RAD23B: variants seen among roughly 807,000 people sequenced by gnomAD.
RAD23B encodes the protein RAD23 nucleotide excision repair protein B.
In RAD23B, 5 loss-of-function variants were observed where a neutral mutation model predicts 49.1. The observed-to-expected ratio is 0.10, with a 90% CI of 0.05 to 0.21. The LOEUF is 0.21. RAD23B is among the 10% of genes least tolerant of loss of function. The pLI, the probability that RAD23B is intolerant of heterozygous loss-of-function variation, is 1.00. For synonymous variants in RAD23B, 184 were observed against 165.4 expected (o/e 1.11, Z -0.86); for missense variants, 356 against 486.7 (o/e 0.73, Z 2.53).
At chr9:107,287,479 A>G (rs1833295477) in intron 1 of RAD23B, among the ~76,000 whole-genome samples, 1 of 152,260 alleles carries the variant, frequency 6.6e-6, no homozygotes, top group South Asian at 2.1e-4. Flanking sequence ...AATTGCAAAG[A>G]CATCAGTTTT....
chr9:107,284,152 A>G, intron 1 of RAD23B: 2 of 986,870 alleles, frequency 2.0e-6, no homozygotes, highest in Non-Finnish European at 1.2e-6. Context: ...AGCCTTAAGA[A>G]AAAAAAAAGT....
intron 1 of RAD23B, chr9:107,284,657 T>C: frequency 2.9e-6 from 3 of 1,034,058 alleles, no homozygotes; most frequent in Non-Finnish European, 3.6e-6. Flanking sequence ...GAGTGTAAAT[T>C]TACTGCTTAT....
intron 1 of RAD23B, among the ~76,000 whole-genome samples, chr9:107,296,775 TC>T (rs1826532960): frequency 6.6e-6 from 1 of 152,016 alleles, no homozygotes; most frequent in African/African-American, 2.4e-5. Context: ...CCTCAAATGA[TC>T]CGCCCACTTC....
intron 3 of RAD23B, among the ~76,000 whole-genome samples, chr9:107,303,377 A>G (rs1042745302): frequency 3.3e-5 from 5 of 152,216 alleles, no homozygotes; most frequent in African/African-American, 1.2e-4. Flanking sequence ...GCAGCTAAAT[A>G]GTTTACAAGT....
At chr9:107,307,204 C>T (rs1826797256) in intron 4 of RAD23B, among the ~76,000 whole-genome samples, 1 of 152,058 alleles carries the variant, frequency 6.6e-6, no homozygotes, top group South Asian at 2.1e-4. Context: ...AGGCTTCTGC[C>T]TGTGTGGATC....
intron 1 of RAD23B, chr9:107,284,139 A>G: frequency 1.0e-5 from 10 of 990,202 alleles, no homozygotes; most frequent in Non-Finnish European, 1.2e-5. Flanking sequence ...ACCCGAGAAG[A>G]TGAGCCTTAA....
chr9:107,288,825 C>G (rs11573621), intron 1 of RAD23B, among the ~76,000 whole-genome samples: 5,922 of 152,038 alleles, frequency 0.039, 348 homozygotes, highest in African/African-American at 0.13. Flanking sequence ...GAGCAAAGAC[C>G]TTTAAGAATG....
chr9:107,314,015 ATT>A (rs776307545), intron 5 of RAD23B, among the ~76,000 whole-genome samples: 5 of 150,402 alleles, frequency 3.3e-5, no homozygotes, highest in Non-Finnish European at 7.4e-5. Context: ...TCTCTGGAAT[ATT>A]TGTTTTCACT....
chr9:107,318,688 A>G lies in RAD23B; in HGVS notation c.554-64A>G. 6.7e-7 allele frequency: 1 copy of G among 1,500,986 alleles called. No homozygotes were observed. The highest frequency in any genetic ancestry group is 1.8e-5 in the Admixed American group (1 of 55,280). 93.0% of individuals were successfully genotyped at this position (1,500,986 alleles called of 1,614,324 possible). A position where few individuals can be genotyped will look rare whatever the true frequency, so the allele number is the denominator to read the frequency against. On this transcript the variant is annotated intron_variant, in intron 5 of 9. Transcript: ENST00000358015. The surrounding 1 kb of genome is among the most constrained non-coding windows in gnomAD (Gnocchi z 4.3). ...TGAAATGTTGTATACATGAATCAAT[A>G]AATGTATAGAGAATGCTTATTTATT...
In RAD23B at chr9:107,329,622, A is replaced by G; in HGVS notation, c.1196A>G (p.Asn399Ser). ...GAGAAGAATGAGAATTTGGCTGCCA[A>G]TTTTCTTCTACAGCAGAACTTTGAT... ...ACEKNENLAANFLLQQNFDED is the reference protein window; with the variant it reads ...ACEKNENLAASFLLQQNFDED Residue 399 changes from asparagine to serine, a missense_variant, in exon 10 of 10, where the codon AAT becomes AGT. By Grantham distance (46) the Asn-to-Ser change is conservative. This residue lies in a region of RAD23B where 8 missense variants were observed against 47.2 expected (regional missense o/e 0.17). Transcript: ENST00000358015. The G allele has an allele frequency of 1.2e-6, 2 of 1,613,286 alleles. No individual in the cohort carries two copies. Among genetic ancestry groups the G allele is most frequent in the Non-Finnish European group, 8.5e-7 (1 of 1,179,440 alleles).
chr9:107,315,674 C>T (rs1826978473), intron 5 of RAD23B, among the ~76,000 whole-genome samples: 1 of 151,876 alleles, frequency 6.6e-6, no homozygotes, highest in African/African-American at 2.4e-5. Context: ...CCACCATGCC[C>T]AGATAATTTT....
Position 107,283,550 on chromosome 9 carries a change from C to T in RAD23B, c.-80C>T. ...AGAGCGCGAGGAGCGCGGGCGACCC[C>T]GGGGCCCCGCCAGGCCACAGACCCC... On this transcript the variant is annotated 5_prime_UTR_variant, in exon 1 of 10. Transcript: ENST00000358015. The T allele has an allele frequency of 3.5e-6, 4 of 1,149,152 alleles. No homozygotes were observed. Among genetic ancestry groups the T allele is most frequent in the Middle Eastern group, 3.2e-4 (1 of 3,156 alleles). The allele number at this position is 1,149,152 out of a possible 1,614,324, so 71.2% of individuals were successfully genotyped here. A position where few individuals can be genotyped will look rare whatever the true frequency, so the allele number is the denominator to read the frequency against.
At chr9:107,328,973 T>G (rs1233460187) in intron 9 of RAD23B, among the ~76,000 whole-genome samples, 1 of 152,206 alleles carries the variant, frequency 6.6e-6, no homozygotes, top group Admixed American at 6.5e-5. Context: ...AAATGTACCA[T>G]GTATTACTAA....
chr9:107,288,841 T>C (rs1384698034), intron 1 of RAD23B, among the ~76,000 whole-genome samples: 2 of 152,114 alleles, frequency 1.3e-5, no homozygotes, highest in East Asian at 3.8e-4. Flanking sequence ...GAATGTGTTT[T>C]GGGTACTGAA....
intron 3 of RAD23B, among the ~76,000 whole-genome samples, chr9:107,306,065 A>ATC (rs1409290457): frequency 7.4e-6 from 1 of 134,588 alleles, no homozygotes; most frequent in Non-Finnish European, 1.6e-5. Context: ...ATATATATAT[A>ATC]TATATATCTA....
At chr9:107,285,212 A>G (rs77674381) in intron 1 of RAD23B, among the ~76,000 whole-genome samples, 58 of 152,364 alleles carry the variant, frequency 3.8e-4, no homozygotes, top group Middle Eastern at 3.4e-3. Flanking sequence ...GACTGACAGT[A>G]CTAATAGAAT....
rs768255578 is a variant in RAD23B, at chr9:107,311,667, A to T, written c.498-15A>T. ...ATACTTTTTAAAATGTGATTTTTCT[A>T]AAATCCTTTTGTAGTACATCGGGTG... On this transcript the variant is annotated splice_polypyrimidine_tract_variant and intron_variant, in intron 4 of 9. Transcript: ENST00000358015. 1.7e-5 allele frequency: 27 copies of T among 1,564,796 alleles called. No homozygotes were observed. The highest frequency in any genetic ancestry group is 2.3e-5 in the Non-Finnish European group (27 of 1,159,864).
chr9:107,307,328 G>A (rs569008197), intron 4 of RAD23B, among the ~76,000 whole-genome samples: 1 of 152,354 alleles, frequency 6.6e-6, no homozygotes, highest in African/African-American at 2.4e-5. Context: ...AGGCAGTTAG[G>A]ATTATTGAGC....
Position 107,329,170 on chromosome 9 carries a change from A to G in RAD23B, c.1117-373A>G, listed in dbSNP as rs180878141. Among the ~76,000 whole-genome samples, 348 of 152,372 alleles carry G rather than the reference A, an allele frequency of 2.3e-3. 1 individual carries two copies. Among genetic ancestry groups the G allele is most frequent in the Middle Eastern group, 6.8e-3 (2 of 294 alleles). ...TCTCATCCTTATCTTCACTCTTAATATACTAAAAGCCATTTGATTTACATA... is the reference window on the plus strand; with the variant it reads ...TCTCATCCTTATCTTCACTCTTAATGTACTAAAAGCCATTTGATTTACATA... On this transcript the variant is annotated intron_variant, in intron 9 of 9. Transcript: ENST00000358015.
Sources: gnomAD v4.1 joint callset for allele counts (sites outside exome capture counted in the v4.1 genomes callset) on GRCh38, gnomAD v4.1.1 for gene constraint, gnomAD v4.1.1 regional missense constraint, Gnocchi (gnomAD v3.1) non-coding constraint, MANE v1.5 for transcripts, NCBI Gene and HGNC (gene_info 2026-07-23, HGNC 2026-07-21) for gene names.